TRPS1: variants seen among roughly 807,000 people sequenced by gnomAD.
TRPS1 encodes transcriptional repressor GATA binding 1.
In TRPS1, 6 loss-of-function variants were observed where a neutral mutation model predicts 101.2. The ratio of observed to expected loss-of-function variants is 0.06; its 90% CI spans 0.03 to 0.12. The LOEUF (loss-of-function observed/expected upper bound fraction) is 0.12. Among genes scored for constraint, TRPS1 ranks in the 10% least tolerant of loss-of-function variants. TRPS1 has a pLI of 1.00. For synonymous variants in TRPS1, 578 were observed against 589.8 expected (o/e 0.98, Z 0.29); for missense variants, 1,363 against 1,567.0 (o/e 0.87, Z 2.20).
intron 4 of TRPS1, among the ~76,000 whole-genome samples, chr8:115,589,855 G>A (rs1319507048): frequency 6.6e-6 from 1 of 152,130 alleles, no homozygotes; most frequent in African/African-American, 2.4e-5. Context: ...GGTGGCTCAC[G>A]CCTGTAATCT....
intron 5 of TRPS1, among the ~76,000 whole-genome samples, chr8:115,474,750 A>G (rs941560821): frequency 1.3e-5 from 2 of 152,140 alleles, no homozygotes; most frequent in Non-Finnish European, 2.9e-5. Flanking sequence ...TTTCAAATGT[A>G]CAAAATGTAA....
At chr8:115,624,609 T>A (rs1473164133) in intron 1 of TRPS1, among the ~76,000 whole-genome samples, 1 of 151,988 alleles carries the variant, frequency 6.6e-6, no homozygotes, top group African/African-American at 2.4e-5. Flanking sequence ...AAATTTCTAC[T>A]CTTAATTAAC....
intron 5 of TRPS1, among the ~76,000 whole-genome samples, chr8:115,571,090 T>C (rs1314577774): frequency 1.3e-5 from 2 of 152,214 alleles, no homozygotes; most frequent in South Asian, 2.1e-4. Flanking sequence ...TTAGCTATTA[T>C]GACACAAGTG....
At chr8:115,601,356 T>C (rs187059140) in intron 4 of TRPS1, among the ~76,000 whole-genome samples, 3 of 152,300 alleles carry the variant, frequency 2.0e-5, no homozygotes, top group African/African-American at 4.8e-5. Flanking sequence ...TAGAAAATGC[T>C]TTGATAGCAG....
At chr8:115,549,893 T>G (rs1816663956) in intron 5 of TRPS1, among the ~76,000 whole-genome samples, 1 of 152,138 alleles carries the variant, frequency 6.6e-6, no homozygotes, top group Admixed American at 6.6e-5. Context: ...AGTCTCTCCT[T>G]GCTCTATTAA....
chr8:115,445,580 T>A (rs1167531955), intron 5 of TRPS1, among the ~76,000 whole-genome samples: 1 of 152,104 alleles, frequency 6.6e-6, no homozygotes, highest in Non-Finnish European at 1.5e-5. Context: ...AGATCGCAAA[T>A]TCGGAGAGGC....
At chr8:115,538,102 C>T (rs1816365718) in intron 5 of TRPS1, among the ~76,000 whole-genome samples, 1 of 152,178 alleles carries the variant, frequency 6.6e-6, no homozygotes, top group Non-Finnish European at 1.5e-5. Flanking sequence ...GACTTTGCAT[C>T]TAAATTTATA....
chr8:115,534,432 T>C (rs1816230414), intron 5 of TRPS1, among the ~76,000 whole-genome samples: 1 of 151,008 alleles, frequency 6.6e-6, no homozygotes, highest in African/African-American at 2.4e-5. Context: ...CGCAGTACCA[T>C]CACACTGGAG....
chr8:115,420,394 G>A (rs939765829), intron 5 of TRPS1, among the ~76,000 whole-genome samples: 1 of 152,080 alleles, frequency 6.6e-6, no homozygotes, highest in Non-Finnish European at 1.5e-5. Context: ...AACTTTCCTG[G>A]GGCTATCCTG....
In TRPS1 at chr8:115,630,996, C is replaced by T. The variant is rs143462086; in HGVS notation, c.-121-7238G>A. Reference sequence around the variant, plus strand: ...ACATATTTGTCTGCCTCTATAGTTACGTCAAGTGAATGAATATACAATCTT... The same window carrying T: ...ACATATTTGTCTGCCTCTATAGTTATGTCAAGTGAATGAATATACAATCTT... On this transcript the variant is annotated intron_variant, in intron 1 of 6. Transcript: ENST00000395715. 3.0e-4 allele frequency among the ~76,000 whole-genome samples: 46 copies of T among 152,210 alleles called. No homozygotes were observed. The East Asian group carries it at 7.9e-3, about 26-fold the overall frequency.
At chr8:115,481,386 T>G (rs1331569901) in intron 5 of TRPS1, among the ~76,000 whole-genome samples, 3 of 151,886 alleles carry the variant, frequency 2.0e-5, no homozygotes, top group African/African-American at 7.3e-5. Context: ...CTCACTTTAC[T>G]ATAAAAATCA....
intron 5 of TRPS1, among the ~76,000 whole-genome samples, chr8:115,508,511 G>C (rs1389179839): frequency 6.6e-6 from 1 of 151,994 alleles, no homozygotes; most frequent in African/African-American, 2.4e-5. Flanking sequence ...GGAAACACAT[G>C]AGTTACCTAA....
chr8:115,535,427 T>C (rs1816288338), intron 5 of TRPS1, among the ~76,000 whole-genome samples: 1 of 148,714 alleles, frequency 6.7e-6, no homozygotes, highest in African/African-American at 2.5e-5. Flanking sequence ...TGCATATATA[T>C]AGTGCATATA....
At chr8:115,553,511 TA>T (rs1816749226) in intron 5 of TRPS1, among the ~76,000 whole-genome samples, 1 of 152,150 alleles carries the variant, frequency 6.6e-6, no homozygotes, top group Admixed American at 6.5e-5. Context: ...TCTAGCTAGT[TA>T]AAAACCATTA....
chr8:115,425,498 TACTCCAGTAATC>T (rs1201954764), intron 5 of TRPS1, among the ~76,000 whole-genome samples: 3 of 152,220 alleles, frequency 2.0e-5, no homozygotes, highest in African/African-American at 7.2e-5. Context: ...AGGCAATACA[TACTCCAGTAATC>T]ATACCTTGCA....
chr8:115,637,191 T>A (rs1818789503), intron 1 of TRPS1: 1 of 927,418 alleles, frequency 1.1e-6, no homozygotes, highest in African/African-American at 1.8e-5. Context: ...TTAACATATG[T>A]CAAGAAACAG....
chr8:115,620,758 T>G (rs1233626812), intron 2 of TRPS1, among the ~76,000 whole-genome samples: 7 of 152,198 alleles, frequency 4.6e-5, no homozygotes, highest in Non-Finnish European at 1.5e-5. Context: ...GGGGCTTGCC[T>G]GAAAGTCAGA....
At chr8:115,423,351 G>A (rs1390417529) in intron 5 of TRPS1, among the ~76,000 whole-genome samples, 2 of 152,118 alleles carry the variant, frequency 1.3e-5, no homozygotes, top group East Asian at 1.9e-4. Context: ...AAGGAGTTTC[G>A]AAGCCAGTGA....
intron 5 of TRPS1, among the ~76,000 whole-genome samples, chr8:115,463,150 T>C (rs1411314074): frequency 6.6e-6 from 1 of 152,182 alleles, no homozygotes. Flanking sequence ...ATTTGGCTGC[T>C]GAGATAGGTT....
Sources: allele counts gnomAD v4.1 joint callset (sites outside exome capture counted in the v4.1 genomes callset), GRCh38; gene constraint gnomAD v4.1.1; transcripts MANE v1.5; gene names NCBI Gene and HGNC (gene_info 2026-07-23, HGNC 2026-07-21).